The following CTXN2 variants were observed in gnomAD, a reference collection of about 807,000 sequenced individuals.
CTXN2 encodes the protein cortexin 2, also known as cortexin-2.
Under a neutral mutation model 5.7 loss-of-function variants are expected in CTXN2, and 3 were observed. That is an observed-to-expected ratio of 0.53 (90% CI 0.24 to 1.36). The LOEUF (loss-of-function observed/expected upper bound fraction) is 1.36, where lower values mean the gene tolerates loss of function less well. CTXN2 is among the 40% of genes most tolerant of loss of function. The probability of loss-of-function intolerance (pLI) is 0.17; values close to 1 mark genes in which losing one functional copy is unlikely to be tolerated. For synonymous variants in CTXN2, 38 were observed against 36.4 expected, an observed-to-expected ratio of 1.04 and a Z score of -0.16; for missense variants, 87 against 93.0, an observed-to-expected ratio of 0.94 and a Z score of 0.26.
chr15:48,181,284 C>T (rs537674495), intron 1 of CTXN2, among the ~76,000 whole-genome samples: 16 of 152,332 alleles, frequency 1.1e-4, no homozygotes, highest in Non-Finnish European at 1.9e-4. Context: ...TAATCTTTCG[C>T]CATCCTAGTG....
intron 1 of CTXN2, among the ~76,000 whole-genome samples, chr15:48,192,875 T>C (rs2040837280): frequency 6.6e-6 from 1 of 152,200 alleles, no homozygotes; most frequent in Non-Finnish European, 1.5e-5. Flanking sequence ...GTTTCTGTAA[T>C]TGTGCATTGT....
chr15:48,199,042 T>C (rs552894891), intron 1 of CTXN2, among the ~76,000 whole-genome samples: 166 of 152,260 alleles, frequency 1.1e-3, no homozygotes, highest in African/African-American at 3.7e-3. Context: ...TCAGCACCCA[T>C]GGAAGAGTGG....
At chr15:48,181,293 T>C (rs1283966641) in intron 1 of CTXN2, among the ~76,000 whole-genome samples, 3 of 152,234 alleles carry the variant, frequency 2.0e-5, no homozygotes, top group African/African-American at 7.2e-5. Context: ...GCCATCCTAG[T>C]GTGAGGCTTC....
intron 1 of CTXN2, among the ~76,000 whole-genome samples, chr15:48,198,670 C>T (rs927121336): frequency 6.6e-6 from 1 of 152,112 alleles, no homozygotes; most frequent in Non-Finnish European, 1.5e-5. Flanking sequence ...AAAAATGCCT[C>T]TTTTTGCTGG....
At position 48,202,386 on chromosome 15, in the gene CTXN2, T is replaced by G. The variant is rs1205520143; in HGVS notation, c.*840T>G. 6.0e-6 allele frequency: 1 copy of G among 167,084 alleles called. No individual in the cohort carries two copies. The highest frequency in any genetic ancestry group is 1.5e-5 in the Non-Finnish European group (1 of 68,118). The allele number at this position is 167,084 out of a possible 1,614,324, so 10.4% of individuals were successfully genotyped here. On this transcript the variant is annotated 3_prime_UTR_variant, in exon 2 of 2. Coordinates refer to ENST00000417307, the MANE Select transcript of CTXN2 (RefSeq NM_001145668.2). Reference sequence around the variant, plus strand: ...GTGTTAACATCCTTTTCAATTCTAGTGCCCTATGAATGCTACAAATGTATC... The same window carrying G: ...GTGTTAACATCCTTTTCAATTCTAGGGCCCTATGAATGCTACAAATGTATC...
chr15:48,182,198 T>C (rs554141998), intron 1 of CTXN2, among the ~76,000 whole-genome samples: 176 of 152,318 alleles, frequency 1.2e-3, no homozygotes, highest in African/African-American at 4.1e-3. Context: ...GTTCTTTTTT[T>C]TTAGCATTTA....
At chr15:48,182,167 A>C (rs1480723441) in intron 1 of CTXN2, among the ~76,000 whole-genome samples, 2 of 151,772 alleles carry the variant, frequency 1.3e-5, no homozygotes, top group Non-Finnish European at 2.9e-5. Flanking sequence ...TCATTACACC[A>C]CAGCTCTGCT....
intron 1 of CTXN2, among the ~76,000 whole-genome samples, chr15:48,179,663 A>T (rs936650135): frequency 7.2e-5 from 11 of 152,210 alleles, no homozygotes; most frequent in Admixed American, 5.2e-4. Flanking sequence ...AAATAGGGAT[A>T]GCAATACCGA....
chr15:48,187,630 A>C (rs2040770977), upstream of CTXN2, among the ~76,000 whole-genome samples: 1 of 152,224 alleles, frequency 6.6e-6, no homozygotes, highest in African/African-American at 2.4e-5. Context: ...GCAAGAATTT[A>C]TGCAAGCTAA....
chr15:48,191,494 C>T, upstream of CTXN2: 1 of 287,104 alleles, frequency 3.5e-6, no homozygotes, highest in Non-Finnish European at 7.1e-6. Context: ...GGAGCTGATT[C>T]CCTTCCCCTC....
At chr15:48,180,098 A>G (rs1054155799) in intron 1 of CTXN2, among the ~76,000 whole-genome samples, 1 of 152,256 alleles carries the variant, frequency 6.6e-6, no homozygotes, top group Non-Finnish European at 1.5e-5. Flanking sequence ...AAGTATAATT[A>G]AAAAATTATT....
chr15:48,203,610 C>G lies in CTXN2; in HGVS notation c.*2064C>G, dbSNP rs1418254230. On this transcript the variant is annotated 3_prime_UTR_variant, in exon 2 of 2. Transcript: ENST00000417307. ...ACAAACCAAGGCCAGATCTTTATTT[C>G]AAAGGAAGAAAGACCTCTACAACCA... The G allele has an allele frequency of 1.2e-5, 2 of 166,856 alleles. No individual in the cohort carries two copies. The highest frequency in any genetic ancestry group is 4.8e-5 in the African/African-American group (2 of 41,358). The allele number at this position is 166,856 out of a possible 1,614,324, so 10.3% of individuals were successfully genotyped here.
intron 1 of CTXN2, among the ~76,000 whole-genome samples, chr15:48,197,617 T>C (rs2040891784): frequency 6.6e-6 from 1 of 152,100 alleles, no homozygotes; most frequent in African/African-American, 2.4e-5. Flanking sequence ...TATTATATGT[T>C]ACCTTAAGTT....
chr15:48,178,915 C>A (rs1356559072), intron 1 of CTXN2, among the ~76,000 whole-genome samples: 1 of 151,666 alleles, frequency 6.6e-6, no homozygotes, highest in Non-Finnish European at 1.5e-5. Context: ...GAGAAGACTG[C>A]AGTTTTTCTC....
At position 48,202,434 on chromosome 15, in the gene CTXN2, G is replaced by T. The variant is rs2040936385; in HGVS notation, c.*888G>T. The T allele has an allele frequency of 6.0e-6, 1 of 167,044 alleles. No individual in the cohort carries two copies. The highest frequency in any genetic ancestry group is 6.5e-5 in the Admixed American group (1 of 15,278). The allele number at this position is 167,044 out of a possible 1,614,324, so 10.3% of individuals were successfully genotyped here. A position where few individuals can be genotyped will look rare whatever the true frequency, so the allele number is the denominator to read the frequency against. ...ATCTGAAAACCCAGAGATCTGAAAT[G>T]AATGAGGATTTAAGATATCATGAAA... is the stretch of plus-strand genomic sequence containing the variant. On this transcript the variant is annotated 3_prime_UTR_variant, in exon 2 of 2. Transcript: ENST00000417307.
chr15:48,182,573 A>G (rs2040708695), intron 1 of CTXN2, among the ~76,000 whole-genome samples: 1 of 152,196 alleles, frequency 6.6e-6, no homozygotes, highest in African/African-American at 2.4e-5. Context: ...AAGTGATTTC[A>G]TGTTACTATG....
chr15:48,185,082 A>C (rs1304114424), intron 1 of CTXN2, among the ~76,000 whole-genome samples: 1 of 152,158 alleles, frequency 6.6e-6, no homozygotes, highest in Non-Finnish European at 1.5e-5. Context: ...CTATACATAC[A>C]TTCTGGAAAA....
chr15:48,196,520 G>A (rs974412491), intron 1 of CTXN2, among the ~76,000 whole-genome samples: 2 of 152,068 alleles, frequency 1.3e-5, no homozygotes, highest in African/African-American at 4.8e-5. Flanking sequence ...TATTAGGGTA[G>A]TTCAGATCTA....
chr15:48,201,709 T>C lies in CTXN2; in HGVS notation c.*163T>C, dbSNP rs2040931190. ...ATGCTGTGTAAATGATAAACTATTG[T>C]TGGGATTCCTCACTTTCCTCTGTTC... On this transcript the variant is annotated 3_prime_UTR_variant, in exon 2 of 2. Transcript: ENST00000417307. 9 of 727,572 alleles carry C rather than the reference T, an allele frequency of 1.2e-5. No homozygotes were observed. The highest frequency in any genetic ancestry group is 1.9e-5 in the South Asian group (1 of 51,356). The allele number at this position is 727,572 out of a possible 1,614,324, so 45.1% of individuals were successfully genotyped here. A position where few individuals can be genotyped will look rare whatever the true frequency, so the allele number is the denominator to read the frequency against.
Sources: allele counts gnomAD v4.1 joint callset (sites outside exome capture counted in the v4.1 genomes callset), GRCh38; gene constraint gnomAD v4.1.1; transcripts MANE v1.5; gene names NCBI Gene and HGNC (gene_info 2026-07-23, HGNC 2026-07-21).